FAM3B: variants seen among roughly 807,000 people sequenced by gnomAD.
The protein encoded by FAM3B is protein FAM3B.
FAM3B carries 29 observed loss-of-function variants against 28.4 expected under a neutral mutation model. The observed-to-expected ratio is 1.02, with a 90% CI of 0.76 to 1.39. The LOEUF (loss-of-function observed/expected upper bound fraction) is 1.39, where lower values mean the gene tolerates loss of function less well. Ranked by LOEUF, FAM3B falls within the 40% of genes most tolerant of loss-of-function variation. The pLI is 0.00. For synonymous variants in FAM3B, 91 were observed against 103.0 expected, an observed-to-expected ratio of 0.88 and a Z score of 0.71; for missense variants, 266 against 293.9, an observed-to-expected ratio of 0.91 and a Z score of 0.69.
At chr21:41,338,628 T>G in intron 3 of FAM3B, 127 bp downstream of exon 3, 1 of 1,272,126 alleles carries the variant, frequency 7.9e-7, no homozygotes, top group Non-Finnish European at 1.1e-6. Flanking sequence ...GGCAAAAGGC[T>G]GAGAGCATCC....
intron 1 of FAM3B, chr21:41,322,486 AACAG>A (rs1169931497): frequency 8.9e-6 from 6 of 673,978 alleles, no homozygotes; most frequent in African/African-American, 5.4e-5. Flanking sequence ...AAATCAACAA[AACAG>A]ACAGAGCTTT....
intron 1 of FAM3B, among the ~76,000 whole-genome samples, chr21:41,310,805 T>C (rs567513420): frequency 6.6e-6 from 1 of 152,234 alleles, no homozygotes; most frequent in East Asian, 1.9e-4. Flanking sequence ...CCCTGTAGGG[T>C]GAAGGGCAGC....
intron 1 of FAM3B, among the ~76,000 whole-genome samples, chr21:41,311,246 AAAAAAATAT>A (rs2088709134): frequency 3.0e-5 from 2 of 66,642 alleles, no homozygotes; most frequent in African/African-American, 5.8e-5. Flanking sequence ...CAAAAAAAAA[AAAAAAATAT>A]ATATATATAT....
rs1289024879 is a variant in FAM3B, at chr21:41,317,843, T to C, written c.19+945T>C. Reference sequence around the variant, plus strand: ...CTCTTTTCTGCACCATTCCCAAATGTAGGAAAGCCGCATTTTAAGATTTTT... The same window carrying C: ...CTCTTTTCTGCACCATTCCCAAATGCAGGAAAGCCGCATTTTAAGATTTTT... On this transcript the variant is annotated intron_variant, in intron 1 of 7. Transcript: ENST00000357985. 1.9e-4 allele frequency among the ~76,000 whole-genome samples: 29 copies of C among 152,130 alleles called. 1 individual carries two copies. Among genetic ancestry groups the C allele is most frequent in the Admixed American group, 1.9e-3 (29 of 15,244 alleles).
intron 7 of FAM3B, among the ~76,000 whole-genome samples, chr21:41,354,077 C>T (rs567856484): frequency 6.6e-6 from 1 of 152,230 alleles, no homozygotes; most frequent in East Asian, 1.9e-4. Flanking sequence ...CACATCAAAA[C>T]CATGATGAGA....
At chr21:41,356,314 T>TA (rs1011574887) in intron 7 of FAM3B, among the ~76,000 whole-genome samples, 2 of 152,208 alleles carry the variant, frequency 1.3e-5, no homozygotes, top group African/African-American at 4.8e-5. Context: ...ACATGTAGCA[T>TA]ACCTAACCTA....
At chr21:41,318,087 C>T (rs748234581) in intron 1 of FAM3B, among the ~76,000 whole-genome samples, 4 of 152,122 alleles carry the variant, frequency 2.6e-5, no homozygotes, top group Non-Finnish European at 4.4e-5. Context: ...TGCTTTCCCT[C>T]AGCCAGGACT....
chr21:41,309,329 G>T (rs1303319414), intron 1 of FAM3B, among the ~76,000 whole-genome samples: 1 of 152,190 alleles, frequency 6.6e-6, no homozygotes, highest in African/African-American at 2.4e-5. Context: ...TCTTACTTCT[G>T]TGTCACTCAA....
At chr21:41,325,639 C>G (rs1287195179) in intron 2 of FAM3B, among the ~76,000 whole-genome samples, 1 of 152,190 alleles carries the variant, frequency 6.6e-6, no homozygotes, top group Non-Finnish European at 1.5e-5. Context: ...TGGCTTCATA[C>G]AGAGCCAAAT....
chr21:41,344,954 C>G (rs2089042795), intron 4 of FAM3B, among the ~76,000 whole-genome samples: 1 of 152,214 alleles, frequency 6.6e-6, no homozygotes, highest in East Asian at 1.9e-4. Context: ...GGAAACAAAA[C>G]TTGGCCTTTC....
rs1568922351 is a variant in FAM3B at position 41,347,071 on chromosome 21, C to A, written c.456C>A (p.Phe152Leu). ...GTGCTGCTCCAAAATCCCTGCTCTT[C>A]ATGGTGACCTATGACGACGGAAGCA... is the stretch of plus-strand genomic sequence containing the variant. ...IQSAAPKSLL[F>L]MVTYDDGSTR... Residue 152 changes from phenylalanine to leucine, a missense_variant, in exon 6 of 8, where the codon TTC becomes TTA. Physicochemically the swap from Phe to Leu is conservative, Grantham distance 22. Transcript: ENST00000357985. 2 of 1,614,030 alleles carry A rather than the reference C, an allele frequency of 1.2e-6. No homozygotes were observed. Among genetic ancestry groups the A allele is most frequent in the Non-Finnish European group, 1.7e-6 (2 of 1,180,032 alleles).
At chr21:41,347,446 A>T (rs1350009442) in intron 6 of FAM3B, among the ~76,000 whole-genome samples, 1 of 152,158 alleles carries the variant, frequency 6.6e-6, no homozygotes, top group Admixed American at 6.5e-5. Context: ...GGAAATTGAG[A>T]TAATTTCCCT....
chr21:41,333,497 G>C (rs1454042383), intron 2 of FAM3B, among the ~76,000 whole-genome samples: 19 of 152,140 alleles, frequency 1.2e-4, no homozygotes, highest in Admixed American at 1.1e-3. Flanking sequence ...CATGTGATAT[G>C]CCTGCTACCC....
In FAM3B at chr21:41,338,361, T is replaced by G; in HGVS notation, c.164-17T>G. 6.2e-7 allele frequency: 1 copy of G among 1,613,862 alleles called. No homozygotes were observed. Among genetic ancestry groups the G allele is most frequent in the Non-Finnish European group, 8.5e-7 (1 of 1,179,900 alleles). On this transcript the variant is annotated splice_polypyrimidine_tract_variant and intron_variant, in intron 2 of 7. Coordinates refer to ENST00000357985, the MANE Select transcript of FAM3B (RefSeq NM_058186.4). ...CTGTGGGATGTTAATGGCTATATACTTTCTTATTCATTACAGCTCCAGTCC... is the reference window on the plus strand; with the variant it reads ...CTGTGGGATGTTAATGGCTATATACGTTCTTATTCATTACAGCTCCAGTCC...
chr21:41,357,261 C>A lies in FAM3B; in HGVS notation c.*64C>A. On this transcript the variant is annotated 3_prime_UTR_variant, in exon 8 of 8. Transcript: ENST00000357985. ...AATGCAGCTGGAATCGCTCAAGAAT[C>A]TTATTTTTCTAAATCCAACAGCCCA... 15 of 1,179,026 alleles carry A rather than the reference C, an allele frequency of 1.3e-5. No individual in the cohort carries two copies. In the South Asian group the frequency reaches 2.0e-4, roughly 16 times the overall value. The allele number at this position is 1,179,026 out of a possible 1,614,324, so 73.0% of individuals were successfully genotyped here.
intron 2 of FAM3B, among the ~76,000 whole-genome samples, chr21:41,325,857 C>T (rs1383742361): frequency 1.3e-5 from 2 of 152,306 alleles, no homozygotes; most frequent in Non-Finnish European, 1.5e-5. Context: ...TCATTGCTGT[C>T]GCTACTTTCA....
chr21:41,342,646 T>C (rs2089018193), intron 3 of FAM3B, among the ~76,000 whole-genome samples: 1 of 152,248 alleles, frequency 6.6e-6, no homozygotes, highest in African/African-American at 2.4e-5. Context: ...TACTATATTA[T>C]CTTAGTTTTA....
At chr21:41,341,534 CA>C in intron 3 of FAM3B, among the ~76,000 whole-genome samples, 1 of 152,206 alleles carries the variant, frequency 6.6e-6, no homozygotes, top group Non-Finnish European at 1.5e-5. Context: ...CCTAAGCATG[CA>C]TTGCAAAATA....
chr21:41,324,637 T>G (rs1391347991), intron 2 of FAM3B, among the ~76,000 whole-genome samples: 1 of 152,206 alleles, frequency 6.6e-6, no homozygotes, highest in East Asian at 1.9e-4. Flanking sequence ...ATTCAGCAGG[T>G]ATATTTAGTA....
Sources: allele counts gnomAD v4.1 joint callset (sites outside exome capture counted in the v4.1 genomes callset), GRCh38; gene constraint gnomAD v4.1.1; transcripts MANE v1.5; gene names NCBI Gene and HGNC (gene_info 2026-07-23, HGNC 2026-07-21).